CSMD1: variants seen among roughly 807,000 people sequenced by gnomAD.
The protein encoded by CSMD1 is CUB and sushi domain-containing protein 1.
CSMD1 carries 213 observed loss-of-function variants against 417.5 expected under a neutral mutation model. The ratio of observed to expected loss-of-function variants is 0.51; its 90% CI spans 0.46 to 0.57. The LOEUF (loss-of-function observed/expected upper bound fraction) is 0.57, where lower values mean the gene tolerates loss of function less well. CSMD1 is among the 20% of genes least tolerant of loss of function. The pLI, the probability that CSMD1 is intolerant of heterozygous loss-of-function variation, is 0.00. For missense variants in CSMD1, 6,923 were observed against 4,529.7 expected, an observed-to-expected ratio of 1.53 and a Z score of -15.17; for synonymous variants, 2,862 against 1,736.8, an observed-to-expected ratio of 1.65 and a Z score of -16.11.
intron 3 of CSMD1, among the ~76,000 whole-genome samples, chr8:4,221,148 A>G (rs1177463126): frequency 2.6e-5 from 4 of 152,208 alleles, no homozygotes; most frequent in Admixed American, 6.5e-5. Context: ...GAGCGGAGGA[A>G]TATCACTGAA....
At chr8:4,239,992 A>T (rs1408681494) in intron 3 of CSMD1, among the ~76,000 whole-genome samples, 1 of 152,246 alleles carries the variant, frequency 6.6e-6, no homozygotes, top group African/African-American at 2.4e-5. Flanking sequence ...TCTTAAAAAT[A>T]CATAAGGCGT....
intron 1 of CSMD1, among the ~76,000 whole-genome samples, chr8:4,775,870 C>T (rs1796828317): frequency 6.6e-6 from 1 of 152,056 alleles, no homozygotes; most frequent in East Asian, 1.9e-4. Flanking sequence ...TGTAATGTAC[C>T]ATAGGACAGA....
At chr8:3,749,528 T>C (rs1390555802) in intron 6 of CSMD1, among the ~76,000 whole-genome samples, 1 of 152,062 alleles carries the variant, frequency 6.6e-6, no homozygotes, top group Non-Finnish European at 1.5e-5. Flanking sequence ...GTTAAAAATG[T>C]AAGGGAAGAG....
In CSMD1 at chr8:3,000,096, C is replaced by A; in HGVS notation, c.8065G>T (p.Gly2689Cys). 6.4e-7 allele frequency: 1 copy of A among 1,573,308 alleles called. No homozygotes were observed. ...HCGSPDPIVN[G>C]HISGDGFSYR... ...CTGAAGCCATCTCCACTAATGTGAC[C>A]GTTCACAATCGGGTCTGGGGAACCG... The change falls in exon 53 of 70, where the codon GGT becomes TGT. Residue 2689 changes from glycine (G) to cysteine (C), a missense_variant. Coordinates refer to ENST00000635120, the MANE Select transcript of CSMD1 (RefSeq NM_033225.6).
At chr8:4,878,951 C>A (rs1326704403) in intron 1 of CSMD1, among the ~76,000 whole-genome samples, 1 of 151,518 alleles carries the variant, frequency 6.6e-6, no homozygotes, top group East Asian at 2.0e-4. Flanking sequence ...GAGGACCTGC[C>A]AAGGCACAGT....
chr8:4,302,472 AGT>A (rs760593393), intron 3 of CSMD1, among the ~76,000 whole-genome samples: 53 of 152,212 alleles, frequency 3.5e-4, no homozygotes, highest in African/African-American at 6.7e-4. Context: ...ACAAAACAGC[AGT>A]CTGTGAAAAT....
chr8:3,917,912 C>T (rs1239576971), intron 5 of CSMD1, among the ~76,000 whole-genome samples: 1 of 152,018 alleles, frequency 6.6e-6, no homozygotes, highest in African/African-American at 2.4e-5. Context: ...TTAAAGTTCT[C>T]AGTGTGTTTT....
At chr8:4,477,005 G>C (rs984580492) in intron 2 of CSMD1, among the ~76,000 whole-genome samples, 1 of 152,204 alleles carries the variant, frequency 6.6e-6, no homozygotes, top group African/African-American at 2.4e-5. Context: ...GGATGGACAG[G>C]TGGCTGTGGT....
intron 6 of CSMD1, among the ~76,000 whole-genome samples, chr8:3,753,378 G>C (rs984700875): frequency 1.3e-5 from 2 of 152,242 alleles, no homozygotes; most frequent in East Asian, 3.9e-4. Context: ...AGAAACCAGA[G>C]AGAAAAAGAA....
rs1295488312 is a variant in CSMD1, at chr8:4,267,443, T to C, written c.415+152510A>G. On this transcript the variant is annotated intron_variant, in intron 3 of 69. Transcript: ENST00000635120. ...ATAAGCTTCTACAGCAGAGTAAAAA[T>C]AGTTTAAATAATATATAATGAATAT... is the stretch of plus-strand genomic sequence containing the variant. Among the ~76,000 whole-genome samples the C allele has an allele frequency of 1.6e-4, 7 of 44,778 alleles. 2 individuals carry two copies. Among genetic ancestry groups the C allele is most frequent in the East Asian group, 6.2e-4 (1 of 1,624 alleles). 29.4% of individuals were successfully genotyped at this position (44,778 alleles called of 152,430 possible). A position where few individuals can be genotyped will look rare whatever the true frequency, so the allele number is the denominator to read the frequency against.
At chr8:4,243,896 C>T (rs1041228465) in intron 3 of CSMD1, among the ~76,000 whole-genome samples, 3 of 152,158 alleles carry the variant, frequency 2.0e-5, no homozygotes, top group Non-Finnish European at 4.4e-5. Flanking sequence ...CTCCCATAAA[C>T]ACATTAGGTT....
At chr8:4,003,916 A>T (rs1010119423) in intron 4 of CSMD1, among the ~76,000 whole-genome samples, 1 of 148,364 alleles carries the variant, frequency 6.7e-6, no homozygotes, top group Non-Finnish European at 1.5e-5. Context: ...CCAAAAGAGA[A>T]ATGTTTTTCA....
At position 4,978,348 on chromosome 8, in the gene CSMD1, G is replaced by A. The variant is rs750026574; in HGVS notation, c.85+15984C>T. On this transcript the variant is annotated intron_variant, in intron 1 of 69. Coordinates refer to ENST00000635120, the MANE Select transcript of CSMD1 (RefSeq NM_033225.6). ...ACTCTAATCTTGGAATCTAAAGCCA[G>A]AAGGAAAAAGCCAGATCACACTGAC... is the stretch of plus-strand genomic sequence containing the variant. Among the ~76,000 whole-genome samples the A allele has an allele frequency of 5.9e-5, 9 of 152,074 alleles. No individual in the cohort carries two copies. The East Asian group carries it at 1.7e-3, about 29-fold the overall frequency.
chr8:3,724,591 G>T (rs1459019061), intron 6 of CSMD1, among the ~76,000 whole-genome samples: 1 of 152,114 alleles, frequency 6.6e-6, no homozygotes, highest in East Asian at 1.9e-4. Context: ...AGGAATTAGG[G>T]AGGGGGAATG....
intron 30 of CSMD1, among the ~76,000 whole-genome samples, chr8:3,207,494 T>G (rs4875110): frequency 0.74 from 112,232 of 151,838 alleles, 41,628 homozygotes; most frequent in Non-Finnish European, 0.76. Flanking sequence ...GATAACATGT[T>G]TAATTCTTTG....
chr8:3,209,524 T>C (rs1206039644), intron 30 of CSMD1, among the ~76,000 whole-genome samples: 2 of 152,050 alleles, frequency 1.3e-5, no homozygotes, highest in Non-Finnish European at 2.9e-5. Context: ...TTTCACCATG[T>C]TAGCCAGGAT....
intron 16 of CSMD1, among the ~76,000 whole-genome samples, chr8:3,396,944 G>C (rs923622572): frequency 6.6e-6 from 1 of 152,080 alleles, no homozygotes; most frequent in East Asian, 1.9e-4. Context: ...GAACAACCAT[G>C]GGTATGTTGC....
intron 41 of CSMD1, among the ~76,000 whole-genome samples, chr8:3,122,580 G>A (rs1025520601): frequency 3.3e-5 from 5 of 152,162 alleles, no homozygotes; most frequent in African/African-American, 1.2e-4. Flanking sequence ...CCCAGGGGAG[G>A]TAATTGCATC....
intron 1 of CSMD1, among the ~76,000 whole-genome samples, chr8:4,869,693 T>C (rs746716562): frequency 6.6e-6 from 1 of 152,070 alleles, no homozygotes; most frequent in Non-Finnish European, 1.5e-5. Flanking sequence ...CTCTGATTAT[T>C]AATCTTGAAA....
Sources: allele counts gnomAD v4.1 joint callset (sites outside exome capture counted in the v4.1 genomes callset), GRCh38; gene constraint gnomAD v4.1.1; transcripts MANE v1.5; gene names NCBI Gene and HGNC (gene_info 2026-07-23, HGNC 2026-07-21).